Variants in LRFN2 observed in about 807,000 individuals in gnomAD.
LRFN2 encodes the protein leucine rich repeat and fibronectin type III domain containing 2, also known as leucine-rich repeat and fibronectin type-III domain-containing protein 2.
A neutral mutation model predicts 37.3 loss-of-function variants in LRFN2; 18 were observed. The ratio of observed to expected loss-of-function variants is 0.48; its 90% CI spans 0.33 to 0.72. LRFN2 has a LOEUF of 0.72. Among genes scored for constraint, LRFN2 ranks in the 30% least tolerant of loss-of-function variants. LRFN2 has a pLI of 0.02. For missense variants in LRFN2, 1,006 were observed against 1,060.7 expected, an observed-to-expected ratio of 0.95 and a Z score of 0.72; for synonymous variants, 556 against 466.6, an observed-to-expected ratio of 1.19 and a Z score of -2.47.
At chr6:40,489,944 A>G (rs1430137268) in intron 1 of LRFN2, among the ~76,000 whole-genome samples, 6 of 152,078 alleles carry the variant, frequency 3.9e-5, no homozygotes, top group Non-Finnish European at 4.4e-5. Context: ...CTGCTCCCCA[A>G]GTTCACTTCC....
At chr6:40,504,230 T>C (rs1293447377) in intron 1 of LRFN2, among the ~76,000 whole-genome samples, 1 of 152,210 alleles carries the variant, frequency 6.6e-6, no homozygotes, top group Admixed American at 6.5e-5. Flanking sequence ...AATTTTCCAA[T>C]TGGTCCTGGA....
Position 40,539,602 on chromosome 6 carries a change from T to A in LRFN2, c.-19+47339A>T, listed in dbSNP as rs926957824. Among the ~76,000 whole-genome samples, 7 of 152,214 alleles carry A rather than the reference T, an allele frequency of 4.6e-5. No homozygotes were observed. In the East Asian group the frequency reaches 1.2e-3, roughly 25 times the overall value. The stretch of plus-strand genomic sequence containing the variant: ...CTACCCTCAGGAACTGTCATTCAAG[T>A]TTCAAGGTGGGAGGCACATCCCAAG... On this transcript the variant is annotated intron_variant, in intron 1 of 2. Coordinates refer to ENST00000338305, the MANE Select transcript of LRFN2 (RefSeq NM_020737.3).
intron 1 of LRFN2, among the ~76,000 whole-genome samples, chr6:40,525,287 G>T (rs1332248105): frequency 3.3e-5 from 5 of 152,202 alleles, no homozygotes; most frequent in Non-Finnish European, 7.3e-5. Flanking sequence ...CGGCCCTGCT[G>T]CAGGCTGGCT....
chr6:40,403,175 C>T (rs145743265), intron 2 of LRFN2, among the ~76,000 whole-genome samples: 94 of 152,298 alleles, frequency 6.2e-4, no homozygotes, highest in African/African-American at 2.1e-3. Flanking sequence ...CCTCTGGAGC[C>T]GGTGTCTCAT....
chr6:40,534,987 C>T (rs916609707), intron 1 of LRFN2, among the ~76,000 whole-genome samples: 2 of 152,200 alleles, frequency 1.3e-5, no homozygotes, highest in African/African-American at 2.4e-5. Context: ...GATATAGTGG[C>T]AGAGCTGGGA....
At chr6:40,477,152 A>G (rs1764727884) in intron 1 of LRFN2, among the ~76,000 whole-genome samples, 1 of 152,148 alleles carries the variant, frequency 6.6e-6, no homozygotes, top group Admixed American at 6.5e-5. Flanking sequence ...TGGGAATGGG[A>G]CCCAGAGTAT....
rs142219574 is a variant in LRFN2, at chr6:40,521,039, T to A, written c.-19+65902A>T. Among the ~76,000 whole-genome samples, 665 of 152,222 alleles carry A rather than the reference T, an allele frequency of 4.4e-3. 4 individuals are homozygous for A. Among genetic ancestry groups the A allele is most frequent in the African/African-American group, 0.015 (623 of 41,520 alleles). On this transcript the variant is annotated intron_variant, in intron 1 of 2. Transcript: ENST00000338305. Reference sequence around the variant, plus strand: ...TGCAGGGAGGCAGACTCCAAGTCCTTCCTTCAAAGGCATGGGGCCGCGTCG... The same window carrying A: ...TGCAGGGAGGCAGACTCCAAGTCCTACCTTCAAAGGCATGGGGCCGCGTCG...
intron 2 of LRFN2, among the ~76,000 whole-genome samples, chr6:40,410,816 C>G (rs1762950620): frequency 6.6e-6 from 1 of 152,176 alleles, no homozygotes; most frequent in African/African-American, 2.4e-5. Context: ...AGGAGCCTTC[C>G]TATGGGATTT....
chr6:40,396,686 CTGTGTGTGTGTGTGTGTGTG>C (rs3997706), intron 2 of LRFN2, among the ~76,000 whole-genome samples: 27 of 135,214 alleles, frequency 2.0e-4, no homozygotes, highest in African/African-American at 5.1e-4. Flanking sequence ...TTCCTCTGCT[CTGTGTGTGTGTGTGTGTGTG>C]TGTGTGTGTG....
intron 1 of LRFN2, among the ~76,000 whole-genome samples, chr6:40,525,513 C>T (rs1433169563): frequency 6.6e-6 from 1 of 152,174 alleles, no homozygotes; most frequent in Non-Finnish European, 1.5e-5. Context: ...TTCCAGCCGG[C>T]CTCCCATATA....
intron 1 of LRFN2, among the ~76,000 whole-genome samples, chr6:40,543,186 C>T (rs1317420047): frequency 6.6e-6 from 1 of 152,226 alleles, no homozygotes; most frequent in Non-Finnish European, 1.5e-5. Context: ...TGCATGAACG[C>T]CTTCCGACTT....
chr6:40,445,263 C>G (rs1197683577), intron 1 of LRFN2, among the ~76,000 whole-genome samples: 1 of 152,238 alleles, frequency 6.6e-6, no homozygotes, highest in Non-Finnish European at 1.5e-5. Flanking sequence ...GCAGTACCAT[C>G]TGCCGATTTT....
At chr6:40,526,862 G>C (rs1766264304) in intron 1 of LRFN2, among the ~76,000 whole-genome samples, 2 of 152,226 alleles carry the variant, frequency 1.3e-5, no homozygotes, top group Admixed American at 1.3e-4. Context: ...TCACATACCT[G>C]GGAGACGGTG....
intron 2 of LRFN2, among the ~76,000 whole-genome samples, chr6:40,420,853 C>T (rs912437309): frequency 6.6e-6 from 1 of 152,110 alleles, no homozygotes; most frequent in Non-Finnish European, 1.5e-5. Flanking sequence ...GAGGTGGGCT[C>T]AGGAAACTGT....
chr6:40,492,500 T>C (rs1765116952), intron 1 of LRFN2, among the ~76,000 whole-genome samples: 1 of 152,218 alleles, frequency 6.6e-6, no homozygotes. Flanking sequence ...TGTGCAGTTT[T>C]TAAATAGAGG....
chr6:40,425,089 C>G (rs574354325), intron 2 of LRFN2, among the ~76,000 whole-genome samples: 2 of 152,324 alleles, frequency 1.3e-5, no homozygotes, highest in East Asian at 3.9e-4. Flanking sequence ...CCTGCCCCAG[C>G]CCTGCAAAAC....
chr6:40,433,187 C>T, intron 1 of LRFN2, 56 bp from the exon 2 acceptor site: 1 of 1,416,122 alleles, frequency 7.1e-7, no homozygotes, highest in South Asian at 1.5e-5. Flanking sequence ...ATGCACTCAC[C>T]CAGAGCTTCC....
At chr6:40,492,251 C>T (rs192897822) in intron 1 of LRFN2, among the ~76,000 whole-genome samples, 41 of 152,290 alleles carry the variant, frequency 2.7e-4, no homozygotes, top group African/African-American at 8.9e-4. Context: ...TCCCCTGAGT[C>T]CCAAGGGTGA....
At chr6:40,560,010 G>A (rs1561907982) in intron 1 of LRFN2, among the ~76,000 whole-genome samples, 2 of 152,076 alleles carry the variant, frequency 1.3e-5, no homozygotes, top group South Asian at 2.1e-4. Context: ...CAGGCCTCCA[G>A]CTCCTGGAAA....
Sources: allele counts gnomAD v4.1 joint callset (sites outside exome capture counted in the v4.1 genomes callset), GRCh38; gene constraint gnomAD v4.1.1; transcripts MANE v1.5; gene names NCBI Gene and HGNC (gene_info 2026-07-23, HGNC 2026-07-21).